Variants in FLT3LG observed in about 807,000 individuals in gnomAD.
FLT3LG encodes fms-related tyrosine kinase 3 ligand.
A neutral mutation model predicts 30.9 loss-of-function variants in FLT3LG; 8 were observed. The ratio of observed to expected loss-of-function variants is 0.26; its 90% CI spans 0.15 to 0.47. The LOEUF (loss-of-function observed/expected upper bound fraction) is 0.47. Ranked by LOEUF, FLT3LG falls within the 20% of genes least tolerant of loss-of-function variation. FLT3LG has a pLI of 0.99. For synonymous variants in FLT3LG, 123 were observed against 135.9 expected, an observed-to-expected ratio of 0.91 and a Z score of 0.66; for missense variants, 278 against 306.2, an observed-to-expected ratio of 0.91 and a Z score of 0.69.
In FLT3LG at chr19:49,475,814, G is replaced by GCCCCGGAC; in HGVS notation, c.144+18_144+25dup. 1.2e-6 allele frequency: 2 copies of GCCCCGGAC among 1,609,202 alleles called. No homozygotes were observed. Among genetic ancestry groups the GCCCCGGAC allele is most frequent in the Non-Finnish European group, 1.7e-6 (2 of 1,178,468 alleles). The stretch of plus-strand genomic sequence containing the variant: ...AATCCGTGAGCTGGTGAGCGGCGCT[G>GCCCCGGAC]CCCCGGACCCCCTCATGTGATCCCC... On this transcript the variant is annotated intron_variant, in intron 3 of 8. Coordinates refer to ENST00000597551, the MANE Select transcript of FLT3LG (RefSeq NM_001459.4).
chr19:49,475,953 T>C, intron 3 of FLT3LG, 152 bp downstream of exon 3: 1 of 1,033,348 alleles, frequency 9.7e-7, no homozygotes. Context: ...CCCAAAGTGC[T>C]GGAATTACAG....
chr19:49,475,828 C>A, intron 3 of FLT3LG, 27 bp downstream of exon 3: 1 of 1,597,808 alleles, frequency 6.3e-7, no homozygotes. Flanking sequence ...CGGACCCCCT[C>A]ATGTGATCCC....
At chr19:49,485,634 G>A (rs565004115) in intron 8 of FLT3LG, among the ~76,000 whole-genome samples, 186 of 151,992 alleles carry the variant, frequency 1.2e-3, no homozygotes, top group African/African-American at 4.2e-3. Flanking sequence ...CGCCCGCCTC[G>A]ACCTCCTAAA....
intron 8 of FLT3LG, chr19:49,482,071 T>C (rs1456566977): frequency 6.6e-6 from 1 of 151,918 alleles, no homozygotes; most frequent in Non-Finnish European, 1.5e-5. Context: ...GAGAGGTAAA[T>C]AATTTGCCAA....
chr19:49,484,941 TG>T (rs1278827397), intron 8 of FLT3LG, among the ~76,000 whole-genome samples: 1 of 151,968 alleles, frequency 6.6e-6, no homozygotes, highest in African/African-American at 2.4e-5. Context: ...AAAAATGAGC[TG>T]GGCATGGTGG....
intron 3 of FLT3LG, 116 bp downstream of exon 3, chr19:49,475,917 C>T: frequency 9.6e-7 from 1 of 1,046,852 alleles, no homozygotes; most frequent in Non-Finnish European, 1.4e-6. Context: ...AACTCCTGGG[C>T]TCAAGCGATC....
chr19:49,474,908 G>A (rs1456370677), intron 2 of FLT3LG, among the ~76,000 whole-genome samples: 5 of 125,920 alleles, frequency 4.0e-5, no homozygotes, highest in Non-Finnish European at 8.1e-5. Flanking sequence ...GAGATAGAGA[G>A]GAGTGGGAGA....
chr19:49,477,183 G>C (rs527552558), intron 5 of FLT3LG, among the ~76,000 whole-genome samples: 4 of 152,090 alleles, frequency 2.6e-5, no homozygotes, highest in Non-Finnish European at 5.9e-5. Flanking sequence ...GCTCACACCT[G>C]TAATCCCAGC....
chr19:49,477,039 C>T (rs1166738069), intron 5 of FLT3LG, among the ~76,000 whole-genome samples: 1 of 151,918 alleles, frequency 6.6e-6, no homozygotes, highest in African/African-American at 2.4e-5. Flanking sequence ...GCACAGGAAT[C>T]GCTTGAACCC....
chr19:49,485,547 G>A (rs560784906), intron 8 of FLT3LG, among the ~76,000 whole-genome samples: 2 of 152,300 alleles, frequency 1.3e-5, no homozygotes, highest in Admixed American at 6.5e-5. Context: ...TCCTGCCTCA[G>A]CTAATTTTGT....
At chr19:49,483,189 G>A (rs1345852667) in intron 8 of FLT3LG, among the ~76,000 whole-genome samples, 2 of 151,680 alleles carry the variant, frequency 1.3e-5, no homozygotes, top group East Asian at 2.0e-4. Flanking sequence ...GCAGTGGCGC[G>A]ATCTCAGCTC....
chr19:49,479,234 G>C (rs1163893795), intron 6 of FLT3LG, among the ~76,000 whole-genome samples, 187 bp downstream of exon 6: 71 of 138,008 alleles, frequency 5.1e-4, no homozygotes, highest in African/African-American at 2.0e-3. Context: ...TCGCACTGTC[G>C]CCCAGGCTGG....
In FLT3LG at chr19:49,480,623, G is replaced by A. The variant is rs778569812; in HGVS notation, c.*21+3G>A. ...GACCTGGCCAAGGCCTCATCCTGGT[G>A]AGTCCTTCCTGGGCTATGGGGCCTG... is the stretch of plus-strand genomic sequence containing the variant. On this transcript the variant is annotated splice_donor_region_variant and intron_variant, in intron 8 of 8. Transcript: ENST00000597551. 13 of 1,608,358 alleles carry A rather than the reference G, an allele frequency of 8.1e-6. No individual in the cohort carries two copies.
chr19:49,482,129 C>CT (rs778164229), intron 8 of FLT3LG: 2,343 of 139,834 alleles, frequency 0.017, 50 homozygotes, highest in African/African-American at 0.049. Flanking sequence ...TTCAGGTTGT[C>CT]TTTTTTTTTT....
rs755546964 is a variant in FLT3LG, at chr19:49,480,452, G to A, written c.636G>A (p.Arg212=). 6.3e-7 allele frequency: 1 copy of A among 1,591,812 alleles called. No individual in the cohort carries two copies. The highest frequency in any genetic ancestry group is 8.5e-7 in the Non-Finnish European group (1 of 1,169,676). Residue 212 remains arginine (R), a synonymous_variant, in exon 7 of 9, where the codon CGG becomes CGA. Transcript: ENST00000597551. ...AWCLHWQRTR[R]RTPRPGEQVP... ...GCCTGCACTGGCAGAGGACGCGGCG[G>A]AGGACACCCCGCCCTGGGGAGCAGG...
rs1250848823 is a variant in FLT3LG, at chr19:49,486,008, T to C, written c.*22-7T>C. 2 of 152,214 alleles carry C rather than the reference T, an allele frequency of 1.3e-5. No homozygotes were observed. The highest frequency in any genetic ancestry group is 3.9e-4 in the East Asian group (2 of 5,182). 9.4% of individuals were successfully genotyped at this position (152,214 alleles called of 1,614,324 possible). ...GTGAGACAGACATCTATCATCCCAT[T>C]TTACAGGGGAGGATACTGAGGCACA... On this transcript the variant is annotated splice_polypyrimidine_tract_variant and splice_region_variant and intron_variant, in intron 8 of 8. Coordinates refer to ENST00000597551, the MANE Select transcript of FLT3LG (RefSeq NM_001459.4).
chr19:49,485,248 C>CTTTTTTTTTTTTTTT (rs55877586), intron 8 of FLT3LG, among the ~76,000 whole-genome samples: 1 of 121,844 alleles, frequency 8.2e-6, no homozygotes, highest in Non-Finnish European at 1.6e-5. Flanking sequence ...TCTTTTTTTT[C>CTTTTTTTTTTTTTTT]TTTTTTTTTT....
At position 49,476,732 on chromosome 19, in the gene FLT3LG, C is replaced by G; in HGVS notation, c.342+166C>G. ...CCCTGTTCCTACAGAACAACACGTC[C>G]CCAGGCACCGGTGATGGGGAGCAGT... On this transcript the variant is annotated intron_variant, in intron 5 of 8. Transcript: ENST00000597551. The surrounding 1 kb of genome is among the most constrained non-coding windows in gnomAD (Gnocchi z 5.3). The G allele has an allele frequency of 1.2e-6, 1 of 865,196 alleles. No individual in the cohort carries two copies. The highest frequency in any genetic ancestry group is 1.7e-6 in the Non-Finnish European group (1 of 573,738). 53.6% of individuals were successfully genotyped at this position (865,196 alleles called of 1,614,324 possible). A position where few individuals can be genotyped will look rare whatever the true frequency, so the allele number is the denominator to read the frequency against.
At chr19:49,482,678 A>G (rs1462497058) in intron 8 of FLT3LG, among the ~76,000 whole-genome samples, 1 of 151,054 alleles carries the variant, frequency 6.6e-6, no homozygotes, top group Non-Finnish European at 1.5e-5. Flanking sequence ...GCCAGGTTGA[A>G]GTGCAGTGGT....
Sources: allele counts gnomAD v4.1 joint callset (sites outside exome capture counted in the v4.1 genomes callset), GRCh38; gene constraint gnomAD v4.1.1; non-coding constraint Gnocchi (gnomAD v3.1); transcripts MANE v1.5; gene names NCBI Gene and HGNC (gene_info 2026-07-23, HGNC 2026-07-21).